KLHL8: variants seen among roughly 807,000 people sequenced by gnomAD.
The protein encoded by KLHL8 is kelch-like protein 8.
KLHL8 carries 38 observed loss-of-function variants against 63.5 expected under a neutral mutation model. The ratio of observed to expected loss-of-function variants is 0.60; its 90% confidence interval spans 0.46 to 0.78. KLHL8 has a LOEUF of 0.78. Ranked by LOEUF, KLHL8 falls within the 30% of genes least tolerant of loss-of-function variation. KLHL8 has a pLI of 0.00. For missense variants in KLHL8, 566 were observed against 752.4 expected (o/e 0.75, Z 2.90); for synonymous variants, 224 against 254.3 (o/e 0.88, Z 1.13).
intron 8 of KLHL8, among the ~76,000 whole-genome samples, chr4:87,164,989 AT>A (rs1183403055): frequency 1.3e-5 from 2 of 151,966 alleles, no homozygotes; most frequent in Non-Finnish European, 2.9e-5. Context: ...TCTACTAAAA[AT>A]ACAAAAAAAT....
rs1732803531 is a variant in KLHL8 at position 87,220,613 on chromosome 4, G to GCC, written c.-349_-348dup. ...CTCGCCTCAGCCCCCGCGAGCCGCG[G>GCC]CCTCTGGGGGCGGGGCGGGCTGGGC... is the stretch of plus-strand genomic sequence containing the variant. On this transcript the variant is annotated 5_prime_UTR_variant, in exon 1 of 10. Transcript: ENST00000273963. 1.3e-5 allele frequency: 2 copies of GCC among 152,180 alleles called. No homozygotes were observed. Among genetic ancestry groups the GCC allele is most frequent in the South Asian group, 2.1e-4 (1 of 4,828 alleles). The allele number at this position is 152,180 out of a possible 1,614,324, so 9.4% of individuals were successfully genotyped here.
Position 87,195,524 on chromosome 4 carries a change from T to C in KLHL8, c.16A>G (p.Met6Val), listed in dbSNP as rs766292708. 5 of 1,612,930 alleles carry C rather than the reference T, an allele frequency of 3.1e-6. No individual in the cohort carries two copies. Among genetic ancestry groups the C allele is most frequent in the Admixed American group, 3.3e-5 (2 of 59,958 alleles). Residue 6 changes from methionine (M) to valine (V), a missense_variant, in exon 2 of 10, where the codon ATG becomes GTG. Physicochemically the swap from Met to Val is conservative, Grantham distance 21 (BLOSUM62 1). Transcript: ENST00000273963. ...TGATTCCTAGCTTGTTTACTACTCA[T>C]AGAATCTGAAGCCATTTGCAATATT... MASDS[M>V]SSKQARNHIT... is the part of the protein sequence containing the mutation.
intron 1 of KLHL8, among the ~76,000 whole-genome samples, chr4:87,213,040 T>G (rs1371383626): frequency 6.6e-6 from 1 of 152,250 alleles, no homozygotes; most frequent in East Asian, 1.9e-4. Context: ...TTCTAGGGTC[T>G]ATAAACAACA....
intron 1 of KLHL8, among the ~76,000 whole-genome samples, chr4:87,231,742 G>A (rs1479572492): frequency 1.3e-5 from 2 of 152,070 alleles, no homozygotes; most frequent in East Asian, 1.9e-4. Context: ...GACTACAGGC[G>A]TGAACCACCA....
At position 87,163,567 on chromosome 4, in the gene KLHL8, T is replaced by C. The variant is rs1195460822; in HGVS notation, c.1815A>G (p.Gln605=). The C allele has an allele frequency of 6.2e-7, 1 of 1,614,016 alleles. No individual in the cohort carries two copies. The highest frequency in any genetic ancestry group is 1.3e-5 in the African/African-American group (1 of 74,906). ...TGGATCCATGACCTACATCTCGAATTTGGCTAGTTAAACAGGAACACACAG... is the reference window on the plus strand; with the variant it reads ...TGGATCCATGACCTACATCTCGAATCTGGCTAGTTAAACAGGAACACACAG... ...GVAVCSCLTS[Q]IRDVGHGSNN... The change falls in exon 10 of 10, where the codon CAA becomes CAG. Residue 605 remains glutamine, a synonymous_variant. Coordinates refer to ENST00000273963, the MANE Select transcript of KLHL8 (RefSeq NM_020803.5).
At chr4:87,177,788 G>T (rs991852068) in intron 5 of KLHL8, among the ~76,000 whole-genome samples, 37 of 151,886 alleles carry the variant, frequency 2.4e-4, no homozygotes, top group African/African-American at 8.7e-4. Context: ...TTAAATTTTT[G>T]TAGAGACAAG....
At chr4:87,166,492 G>A (rs893433681) in intron 8 of KLHL8, among the ~76,000 whole-genome samples, 5 of 152,092 alleles carry the variant, frequency 3.3e-5, no homozygotes, top group African/African-American at 7.2e-5. Flanking sequence ...ACAAAGTGCC[G>A]GAAACACTTT....
chr4:87,205,360 T>G (rs1022338018), intron 1 of KLHL8, among the ~76,000 whole-genome samples: 9 of 152,084 alleles, frequency 5.9e-5, no homozygotes, highest in African/African-American at 9.7e-5. Context: ...TGAGCTGTGA[T>G]CATGCCTCTG....
intron 1 of KLHL8, among the ~76,000 whole-genome samples, chr4:87,200,138 C>CAAAAAAAAAA (rs61605160): frequency 3.5e-4 from 26 of 73,714 alleles, no homozygotes; most frequent in South Asian, 5.3e-4. Context: ...GAGACTGCCT[C>CAAAAAAAAAA]AAAAAAAAAA....
At chr4:87,189,121 G>A (rs1355709780) in intron 2 of KLHL8, among the ~76,000 whole-genome samples, 1 of 152,126 alleles carries the variant, frequency 6.6e-6, no homozygotes. Flanking sequence ...CACAGAAAAC[G>A]GAAGTGAGGT....
chr4:87,207,334 A>C (rs1732171412), intron 1 of KLHL8: 1 of 623,236 alleles, frequency 1.6e-6, no homozygotes, highest in African/African-American at 1.8e-5. Flanking sequence ...AGATCCCTCC[A>C]AAATCAAATG....
chr4:87,202,106 C>CAAAA (rs879415755), intron 1 of KLHL8, among the ~76,000 whole-genome samples: 1 of 134,672 alleles, frequency 7.4e-6, no homozygotes, highest in Non-Finnish European at 1.6e-5. Flanking sequence ...ACTCCCTCTC[C>CAAAA]AAAAAAAAAA....
chr4:87,164,521 AAGTT>A (rs1470477461), intron 8 of KLHL8, among the ~76,000 whole-genome samples: 38 of 152,298 alleles, frequency 2.5e-4, no homozygotes, highest in African/African-American at 8.7e-4. Context: ...ATCCAGATAA[AAGTT>A]AAAGTTTTCC....
chr4:87,202,012 C>T (rs1365900216), intron 1 of KLHL8, among the ~76,000 whole-genome samples: 2 of 151,500 alleles, frequency 1.3e-5, no homozygotes, highest in East Asian at 3.9e-4. Flanking sequence ...GAGGCTGAGG[C>T]AGGAGAATGG....
chr4:87,178,586 A>G lies in KLHL8; in HGVS notation c.987T>C (p.Ser329=). The change falls in exon 5 of 10, where the codon TCT becomes TCC. Residue 329 remains serine (S), a synonymous_variant. Coordinates refer to ENST00000273963, the MANE Select transcript of KLHL8 (RefSeq NM_020803.5). Reference sequence around the variant, plus strand: ...ATTCAATACTGCGAAAGGGGTCACCAGATCCACCTCGACCACCTACACAAA... The same window carrying G: ...ATTCAATACTGCGAAAGGGGTCACCGGATCCACCTCGACCACCTACACAAA... The part of the protein sequence containing the change: ...VLFCVGGRGG[S]GDPFRSIECY... 6.2e-7 allele frequency: 1 copy of G among 1,606,444 alleles called. No homozygotes were observed. The highest frequency in any genetic ancestry group is 8.5e-7 in the Non-Finnish European group (1 of 1,178,004).
At chr4:87,212,629 A>G (rs1560715565) in intron 1 of KLHL8, among the ~76,000 whole-genome samples, 1 of 152,192 alleles carries the variant, frequency 6.6e-6, no homozygotes, top group South Asian at 2.1e-4. Context: ...CAGTCTTTAC[A>G]GTCATGTGCT....
chr4:87,166,354 A>C (rs112648619), intron 8 of KLHL8, among the ~76,000 whole-genome samples: 44 of 152,368 alleles, frequency 2.9e-4, no homozygotes, highest in African/African-American at 1.0e-3. Context: ...TAAGTAACAC[A>C]AACAATTTAC....
rs763463290 is a variant in KLHL8, at chr4:87,185,345, A to G, written c.671T>C (p.Ile224Thr). ...HKLLSSSDLN[I>T]ENEKQVYNAA... ...ATTATAGACCTGCTTTTCATTTTCA[A>G]TATTTAGATCACTGGAGGACAAAAG... The change falls in exon 3 of 10, where the codon ATT (isoleucine) becomes ACT (threonine). Residue 224 changes from isoleucine to threonine, a missense_variant. Ile to Thr is a moderately conservative substitution (Grantham distance 89). Coordinates refer to ENST00000273963, the MANE Select transcript of KLHL8 (RefSeq NM_020803.5). The G allele has an allele frequency of 3.7e-6, 6 of 1,614,200 alleles. No homozygotes were observed. Among genetic ancestry groups the G allele is most frequent in the South Asian group, 1.1e-5 (1 of 91,082 alleles).
chr4:87,189,328 G>A (rs181836005), intron 2 of KLHL8, among the ~76,000 whole-genome samples: 1 of 152,302 alleles, frequency 6.6e-6, no homozygotes, highest in Non-Finnish European at 1.5e-5. Flanking sequence ...TAAGGTGGGA[G>A]CTTCAGGCTA....
Sources: allele counts gnomAD v4.1 joint callset (sites outside exome capture counted in the v4.1 genomes callset), GRCh38; gene constraint gnomAD v4.1.1; transcripts MANE v1.5; gene names NCBI Gene and HGNC (gene_info 2026-07-23, HGNC 2026-07-21).